Variants in CD247 observed in about 807,000 individuals in gnomAD.
CD247 encodes CD247 molecule.
CD247 carries 13 observed loss-of-function variants against 30.0 expected under a neutral mutation model. The ratio of observed to expected loss-of-function variants is 0.43; its 90% confidence interval spans 0.28 to 0.69. The LOEUF (loss-of-function observed/expected upper bound fraction) is 0.69, where lower values mean the gene tolerates loss of function less well. CD247 is among the 30% of genes least tolerant of loss of function. CD247 has a pLI of 0.16. For synonymous variants in CD247, 72 were observed against 80.0 expected (o/e 0.90, Z 0.53); for missense variants, 193 against 212.6 (o/e 0.91, Z 0.57).
At chr1:167,437,507 A>G (rs1651604813) in intron 4 of CD247, among the ~76,000 whole-genome samples, 1 of 152,242 alleles carries the variant, frequency 6.6e-6, no homozygotes, top group Admixed American at 6.5e-5. Context: ...TGTGGAACAT[A>G]CACACAATAG....
At chr1:167,495,538 G>A (rs1409223769) in intron 1 of CD247, among the ~76,000 whole-genome samples, 1 of 152,142 alleles carries the variant, frequency 6.6e-6, no homozygotes, top group Non-Finnish European at 1.5e-5. Flanking sequence ...CCCTCAGCAT[G>A]TTCCTTGCCC....
At chr1:167,490,135 A>G (rs533383837) in intron 1 of CD247, among the ~76,000 whole-genome samples, 1 of 152,204 alleles carries the variant, frequency 6.6e-6, no homozygotes, top group African/African-American at 2.4e-5. Flanking sequence ...GCAAATCCAT[A>G]TATCCGGGAC....
intron 1 of CD247, among the ~76,000 whole-genome samples, chr1:167,465,365 TTGCCCAGGC>T (rs1382995452): frequency 1.4e-5 from 2 of 144,956 alleles, no homozygotes; most frequent in Non-Finnish European, 3.0e-5. Context: ...TCCCGTTCAG[TTGCCCAGGC>T]TGCTGGAGTG....
At chr1:167,475,283 G>A (rs374939232) in intron 1 of CD247, among the ~76,000 whole-genome samples, 5 of 151,964 alleles carry the variant, frequency 3.3e-5, no homozygotes, top group South Asian at 2.1e-4. Context: ...ATCAGCTCAC[G>A]GCTCTTCCTG....
chr1:167,466,811 T>C (rs1653268863), intron 1 of CD247, among the ~76,000 whole-genome samples: 1 of 151,872 alleles, frequency 6.6e-6, no homozygotes, highest in African/African-American at 2.4e-5. Flanking sequence ...TCGGGAGGCC[T>C]AGCTCCTGTT....
In CD247 at chr1:167,486,716, AAG is replaced by A. The variant is rs200968406; in HGVS notation, c.58+31690_58+31691del. On this transcript the variant is annotated intron_variant, in intron 1 of 7. Coordinates refer to ENST00000362089, the MANE Select transcript of CD247 (RefSeq NM_198053.3). The stretch of plus-strand genomic sequence containing the variant: ...GAGAAACCCCCTGCAACCCCCAGGA[AAG>A]AGCTCTGGCCACTTATGCGGGCCAC... Among the ~76,000 whole-genome samples the A allele has an allele frequency of 6.2e-3, 940 of 152,274 alleles. 15 individuals carry two copies. The highest frequency in any genetic ancestry group is 0.021 in the African/African-American group (886 of 41,566).
rs776601547 is a variant in CD247, at chr1:167,439,364, C to T, written c.199G>A (p.Gly67Ser). Residue 67 changes from glycine (G) to serine (S), a missense_variant, in exon 3 of 8, where the codon GGC becomes AGC. Coordinates refer to ENST00000362089, the MANE Select transcript of CD247 (RefSeq NM_198053.3). ...CTTACGTTATAGAGCTGGTTCTGGC[C>T]CTGCTGGTACGCGGGGGCGTCTGCG... ...RSADAPAYQQ[G>S]QNQLYNELNL... The T allele has an allele frequency of 4.3e-6, 7 of 1,614,174 alleles. No individual in the cohort carries two copies. The highest frequency in any genetic ancestry group is 1.7e-5 in the Admixed American group (1 of 60,022).
chr1:167,485,744 A>T (rs1173007086), intron 1 of CD247, among the ~76,000 whole-genome samples: 1 of 152,080 alleles, frequency 6.6e-6, no homozygotes, highest in African/African-American at 2.4e-5. Context: ...CAGTCCTGTC[A>T]CCAGCCCCAA....
chr1:167,517,297 C>A (rs1364434257), intron 1 of CD247, among the ~76,000 whole-genome samples: 1 of 152,238 alleles, frequency 6.6e-6, no homozygotes, highest in Non-Finnish European at 1.5e-5. Flanking sequence ...CCTCTCCTGC[C>A]CTCCCAACAG....
chr1:167,455,222 A>C (rs1045609546), intron 1 of CD247, among the ~76,000 whole-genome samples: 4 of 152,222 alleles, frequency 2.6e-5, no homozygotes, highest in Non-Finnish European at 5.9e-5. Context: ...TGGGATTTTA[A>C]AGAGACGAGC....
intron 1 of CD247, among the ~76,000 whole-genome samples, chr1:167,449,368 G>A (rs1279443823): frequency 6.6e-6 from 1 of 151,258 alleles, no homozygotes; most frequent in Non-Finnish European, 1.5e-5. Context: ...TGGCCAGGCT[G>A]TTCTCAAACT....
rs374707372 is a variant in CD247 at position 167,493,746 on chromosome 1, C to T, written c.58+24662G>A. 1.3e-3 allele frequency among the ~76,000 whole-genome samples: 194 copies of T among 152,312 alleles called. 1 individual carries two copies. Among genetic ancestry groups the T allele is most frequent in the Non-Finnish European group, 2.4e-3 (163 of 68,026 alleles). On this transcript the variant is annotated intron_variant, in intron 1 of 7. Coordinates refer to ENST00000362089, the MANE Select transcript of CD247 (RefSeq NM_198053.3). The stretch of plus-strand genomic sequence containing the variant: ...AAACAGGACCAGAGGCATCAAGTGA[C>T]GTGTCCGAGGCCCCACAGCTAGTTA...
At chr1:167,471,143 T>C (rs1433287739) in intron 1 of CD247, among the ~76,000 whole-genome samples, 2 of 152,140 alleles carry the variant, frequency 1.3e-5, no homozygotes, top group Non-Finnish European at 2.9e-5. Context: ...AGTGCTGGGA[T>C]TATAGGTATG....
intron 4 of CD247, among the ~76,000 whole-genome samples, chr1:167,436,776 A>G (rs1343357914): frequency 6.6e-6 from 1 of 152,226 alleles, no homozygotes; most frequent in Non-Finnish European, 1.5e-5. Flanking sequence ...AACCACAATG[A>G]GATCACCTCA....
chr1:167,468,287 A>G (rs1382754246), intron 1 of CD247, among the ~76,000 whole-genome samples: 1 of 152,236 alleles, frequency 6.6e-6, no homozygotes, highest in Non-Finnish European at 1.5e-5. Context: ...TATTGAATTG[A>G]CAAAATTATC....
intron 1 of CD247, among the ~76,000 whole-genome samples, chr1:167,478,076 G>A (rs945184217): frequency 6.6e-6 from 1 of 152,228 alleles, no homozygotes; most frequent in Non-Finnish European, 1.5e-5. Context: ...GCAGGACCAG[G>A]CAAAGAATCA....
At chr1:167,501,437 A>G (rs1025897334) in intron 1 of CD247, among the ~76,000 whole-genome samples, 4 of 152,316 alleles carry the variant, frequency 2.6e-5, no homozygotes, top group South Asian at 2.1e-4. Flanking sequence ...ATCCCTGTAC[A>G]TCTGTCTGGC....
chr1:167,468,486 A>G (rs1365593841), intron 1 of CD247, among the ~76,000 whole-genome samples: 1 of 152,218 alleles, frequency 6.6e-6, no homozygotes, highest in Non-Finnish European at 1.5e-5. Flanking sequence ...ACATGAAGCC[A>G]AAACACCTCT....
Position 167,438,580 on chromosome 1 carries a change from C to G in CD247, c.290G>C (p.Gly97Ala). 1 of 1,613,828 alleles carries G rather than the reference C, an allele frequency of 6.2e-7. No homozygotes were observed. The highest frequency in any genetic ancestry group is 8.5e-7 in the Non-Finnish European group (1 of 1,179,718). The stretch of plus-strand genomic sequence containing the variant: ...TAGAGGAACCCCTACCGGCTTTCCC[C>G]CCATCTCAGGGTCCCGGCCACGTCT... The part of the protein sequence containing the change: ...DKRRGRDPEM[G>A]GKPQRRKNPQ... Residue 97 changes from glycine to alanine, a missense_variant, in exon 4 of 8, where the codon GGG becomes GCG. Transcript: ENST00000362089.
Sources: gnomAD v4.1 joint callset for allele counts (sites outside exome capture counted in the v4.1 genomes callset) on GRCh38, gnomAD v4.1.1 for gene constraint, MANE v1.5 for transcripts, NCBI Gene and HGNC (gene_info 2026-07-23, HGNC 2026-07-21) for gene names.